The following RBFOX1 variants were observed in gnomAD, a reference collection of about 807,000 sequenced individuals.
The protein encoded by RBFOX1 is RNA binding fox-1 homolog 1, also known as RNA binding protein fox-1 homolog 1.
A neutral mutation model predicts 57.7 loss-of-function variants in RBFOX1; 8 were observed. The ratio of observed to expected loss-of-function variants is 0.14; its 90% CI spans 0.08 to 0.25. The LOEUF is 0.25. Ranked by LOEUF, RBFOX1 falls within the 10% of genes least tolerant of loss-of-function variation. The pLI, the probability that RBFOX1 is intolerant of heterozygous loss-of-function variation, is 1.00. For synonymous variants in RBFOX1, 326 were observed against 222.4 expected (o/e 1.47, Z -4.15); for missense variants, 611 against 548.5 (o/e 1.11, Z -1.14).
At chr16:5,351,719 G>GCTTAGCC (rs1436054577) in intron 1 of RBFOX1, among the ~76,000 whole-genome samples, 2 of 152,152 alleles carry the variant, frequency 1.3e-5, no homozygotes, top group African/African-American at 4.8e-5. Context: ...CCTTGATATC[G>GCTTAGCC]CTTAGCCCGA....
intron 4 of RBFOX1, among the ~76,000 whole-genome samples, chr16:7,435,767 C>G (rs775708745): frequency 9.2e-5 from 14 of 152,280 alleles, no homozygotes; most frequent in Middle Eastern, 6.8e-3. Context: ...GCTTCATCAT[C>G]CAGGCAAACA....
At chr16:6,602,940 G>C (rs2097872869) in intron 2 of RBFOX1, among the ~76,000 whole-genome samples, 1 of 152,088 alleles carries the variant, frequency 6.6e-6, no homozygotes, top group Admixed American at 6.5e-5. Context: ...CTGGAGATTG[G>C]GAATCCTGAC....
chr16:6,967,805 G>A (rs191386760), intron 3 of RBFOX1, among the ~76,000 whole-genome samples: 64 of 152,212 alleles, frequency 4.2e-4, no homozygotes, highest in African/African-American at 1.5e-3. Context: ...ACCAAGCCCT[G>A]AAACTAAGAA....
At chr16:6,741,528 C>G (rs1348110482) in intron 3 of RBFOX1, among the ~76,000 whole-genome samples, 1 of 151,622 alleles carries the variant, frequency 6.6e-6, no homozygotes, top group Non-Finnish European at 1.5e-5. Flanking sequence ...GCCAGGCTAA[C>G]TTTGGTGGTG....
chr16:7,678,599 A>G (rs374989992), intron 14 of RBFOX1, among the ~76,000 whole-genome samples: 5 of 152,156 alleles, frequency 3.3e-5, no homozygotes, highest in South Asian at 2.1e-4. Flanking sequence ...GCTTTTCAGT[A>G]TAAGTGCATC....
intron 1 of RBFOX1, among the ~76,000 whole-genome samples, chr16:6,302,128 C>T (rs929644423): frequency 2.0e-5 from 3 of 152,034 alleles, no homozygotes; most frequent in African/African-American, 7.2e-5. Context: ...TTATTTCTTA[C>T]CTGAAATCAT....
chr16:7,295,788 A>C (rs1298466565), intron 4 of RBFOX1, among the ~76,000 whole-genome samples: 3 of 152,114 alleles, frequency 2.0e-5, no homozygotes, highest in African/African-American at 7.2e-5. Flanking sequence ...GTGGCCTTGA[A>C]CGAGCAGGGC....
At chr16:5,533,776 C>T (rs538720702) in intron 2 of RBFOX1, among the ~76,000 whole-genome samples, 20 of 152,110 alleles carry the variant, frequency 1.3e-4, no homozygotes, top group Non-Finnish European at 2.8e-4. Context: ...GACTGGCTCC[C>T]TGAGTGTGAT....
At chr16:5,636,272 C>G (rs28491888) in intron 3 of RBFOX1, among the ~76,000 whole-genome samples, 35 of 152,190 alleles carry the variant, frequency 2.3e-4, no homozygotes, top group African/African-American at 7.9e-4. Flanking sequence ...CATTTAAACC[C>G]GGGAGGTGGA....
intron 2 of RBFOX1, among the ~76,000 whole-genome samples, chr16:6,620,854 C>G (rs927311284): frequency 6.6e-6 from 1 of 152,184 alleles, no homozygotes; most frequent in East Asian, 1.9e-4. Flanking sequence ...CACCAAAGCT[C>G]CACACTTAAA....
chr16:7,004,553 C>T (rs181525732), intron 3 of RBFOX1, among the ~76,000 whole-genome samples: 13 of 152,284 alleles, frequency 8.5e-5, no homozygotes, highest in East Asian at 5.8e-4. Context: ...TGGACACGTC[C>T]TAGCTATGTA....
At chr16:5,644,809 T>C (rs758752774) in intron 3 of RBFOX1, among the ~76,000 whole-genome samples, 6 of 152,230 alleles carry the variant, frequency 3.9e-5, no homozygotes, top group Non-Finnish European at 5.9e-5. Context: ...ATTTGGGTTA[T>C]TTGTACTTTT....
chr16:5,715,225 A>G (rs747591743), intron 3 of RBFOX1, among the ~76,000 whole-genome samples: 24 of 152,200 alleles, frequency 1.6e-4, no homozygotes, highest in Non-Finnish European at 2.8e-4. Flanking sequence ...AACCCTATAA[A>G]TCAGGTCTGC....
intron 4 of RBFOX1, among the ~76,000 whole-genome samples, chr16:7,427,993 T>A (rs745340811): frequency 1.3e-5 from 2 of 152,178 alleles, no homozygotes; most frequent in Non-Finnish European, 2.9e-5. Flanking sequence ...GATATCTTTT[T>A]ACATTCCAAG....
rs142685702 is a variant in RBFOX1, at chr16:5,368,762, C to T, written c.220-98454C>T. On this transcript the variant is annotated intron_variant, in intron 1 of 2. Coordinates refer to the RBFOX1 transcript ENST00000585867. ...GACCTCTCTAAGCAGGGGGTCTCAG[C>T]GTTGATTTTTTCCCTTTAACTCCAA... Among the ~76,000 whole-genome samples, 1,151 of 151,848 alleles carry T rather than the reference C, an allele frequency of 7.6e-3. 18 individuals carry two copies. The highest frequency in any genetic ancestry group is 0.025 in the African/African-American group (1,044 of 41,534).
chr16:6,118,424 G>A (rs2096520880), intron 1 of RBFOX1, among the ~76,000 whole-genome samples: 1 of 152,122 alleles, frequency 6.6e-6, no homozygotes, highest in Non-Finnish European at 1.5e-5. Context: ...TCAATGTTTG[G>A]TGAGTGCTGG....
intron 2 of RBFOX1, among the ~76,000 whole-genome samples, chr16:6,624,414 A>G (rs1051036976): frequency 6.6e-6 from 1 of 152,146 alleles, no homozygotes; most frequent in African/African-American, 2.4e-5. Flanking sequence ...TTCATTATAT[A>G]TGTCAGAAGG....
intron 1 of RBFOX1, among the ~76,000 whole-genome samples, chr16:6,169,865 A>C (rs1346063163): frequency 1.3e-5 from 2 of 151,274 alleles, no homozygotes; most frequent in African/African-American, 4.9e-5. Context: ...CCTGGGTTCA[A>C]GTGATTCTCT....
intron 1 of RBFOX1, among the ~76,000 whole-genome samples, chr16:6,274,644 C>T (rs1216336772): frequency 6.6e-6 from 1 of 152,100 alleles, no homozygotes; most frequent in Non-Finnish European, 1.5e-5. Context: ...CACGCAATCC[C>T]CTGATATCAT....
Sources: allele counts gnomAD v4.1 joint callset (sites outside exome capture counted in the v4.1 genomes callset), GRCh38; gene constraint gnomAD v4.1.1; transcripts MANE v1.5; gene names NCBI Gene and HGNC (gene_info 2026-07-23, HGNC 2026-07-21).